SAMD4A: variants seen among roughly 807,000 people sequenced by gnomAD.
SAMD4A encodes the protein protein Smaug homolog 1.
In SAMD4A, 33 loss-of-function variants were observed where a neutral mutation model predicts 81.3. That is an observed-to-expected ratio of 0.41 (90% CI 0.31 to 0.54). The LOEUF is 0.54. Among genes scored for constraint, SAMD4A ranks in the 20% least tolerant of loss-of-function variants. The pLI is 0.37. For missense variants in SAMD4A, 854 were observed against 951.1 expected (o/e 0.90, Z 1.34); for synonymous variants, 389 against 382.1 (o/e 1.02, Z -0.21).
chr14:54,637,576 C>T (rs896224512), intron 2 of SAMD4A, among the ~76,000 whole-genome samples: 1 of 152,044 alleles, frequency 6.6e-6, no homozygotes, highest in African/African-American at 2.4e-5. Context: ...GGAGAAGAGA[C>T]CTGGGAGTCC....
At chr14:54,693,782 A>C (rs1406427807) in intron 2 of SAMD4A, 1 of 152,272 alleles carries the variant, frequency 6.6e-6, no homozygotes, top group Non-Finnish European at 1.5e-5. Flanking sequence ...GAGGGGCCAG[A>C]AATAAGCATA....
intron 3 of SAMD4A, among the ~76,000 whole-genome samples, chr14:54,726,624 G>A (rs1211891984): frequency 6.6e-6 from 1 of 152,166 alleles, no homozygotes; most frequent in Admixed American, 6.5e-5. Flanking sequence ...AAAGTACTGA[G>A]GCAGGAAGGC....
intron 2 of SAMD4A, among the ~76,000 whole-genome samples, chr14:54,679,773 A>T (rs1472930224): frequency 6.6e-6 from 1 of 152,202 alleles, no homozygotes; most frequent in Non-Finnish European, 1.5e-5. Context: ...CCTGTCTGCA[A>T]TTGGGAGACA....
chr14:54,571,842 C>T (rs1277290678), intron 2 of SAMD4A, among the ~76,000 whole-genome samples: 1 of 152,056 alleles, frequency 6.6e-6, no homozygotes, highest in African/African-American at 2.4e-5. Context: ...GGGCTGTCAC[C>T]CTCACCCCAT....
intron 4 of SAMD4A, among the ~76,000 whole-genome samples, chr14:54,745,165 G>A (rs1025052138): frequency 2.0e-5 from 3 of 152,188 alleles, no homozygotes; most frequent in Non-Finnish European, 2.9e-5. Flanking sequence ...TACATTGATA[G>A]CCATTGCCTT....
chr14:54,678,712 C>A (rs949416544), intron 2 of SAMD4A, among the ~76,000 whole-genome samples: 4 of 152,034 alleles, frequency 2.6e-5, no homozygotes, highest in African/African-American at 9.7e-5. Context: ...TCGCTTCCGG[C>A]TAATTTTTTG....
chr14:54,740,171 C>T (rs1327795405), intron 4 of SAMD4A, among the ~76,000 whole-genome samples: 1 of 152,122 alleles, frequency 6.6e-6, no homozygotes, highest in African/African-American at 2.4e-5. Context: ...GAGACTCCAT[C>T]TCAAATAAAA....
rs149905297 is a variant in SAMD4A, at chr14:54,779,976, C to T, written c.2044+3436C>T. Reference sequence around the variant, plus strand: ...GTTTGGAAATTGCTTGGAGAGGGATCCTTTATTTTGGAAGCAACTAATTTC... The same window carrying T: ...GTTTGGAAATTGCTTGGAGAGGGATTCTTTATTTTGGAAGCAACTAATTTC... On this transcript the variant is annotated intron_variant, in intron 11 of 12. Coordinates refer to ENST00000554335, the MANE Select transcript of SAMD4A (RefSeq NM_015589.6). Among the ~76,000 whole-genome samples the T allele has an allele frequency of 1.5e-3, 226 of 152,210 alleles. 2 individuals are homozygous for T. The highest frequency in any genetic ancestry group is 2.6e-3 in the Non-Finnish European group (175 of 68,010).
At chr14:54,698,778 C>T (rs1193419715) in intron 2 of SAMD4A, among the ~76,000 whole-genome samples, 1 of 152,212 alleles carries the variant, frequency 6.6e-6, no homozygotes, top group Non-Finnish European at 1.5e-5. Context: ...GATAAAGGGA[C>T]CGGGGCCAGC....
At chr14:54,754,837 A>T in intron 6 of SAMD4A, 1 of 988,048 alleles carries the variant, frequency 1.0e-6, no homozygotes, top group Non-Finnish European at 1.2e-6. Flanking sequence ...TTGTTCAGTT[A>T]CTGAACCCTT....
intron 9 of SAMD4A, among the ~76,000 whole-genome samples, chr14:54,774,657 A>AC (rs2038790112): frequency 2.0e-5 from 3 of 151,212 alleles, no homozygotes; most frequent in African/African-American, 7.3e-5. Context: ...TCTACCAAAA[A>AC]AAAAAAGTTA....
At chr14:54,625,279 G>T (rs1412614825) in intron 2 of SAMD4A, among the ~76,000 whole-genome samples, 2 of 152,200 alleles carry the variant, frequency 1.3e-5, no homozygotes, top group Non-Finnish European at 2.9e-5. Context: ...GGGCTTTCCT[G>T]CTGTTGCGTG....
At chr14:54,711,313 T>C (rs2036983954) in intron 3 of SAMD4A, among the ~76,000 whole-genome samples, 1 of 152,196 alleles carries the variant, frequency 6.6e-6, no homozygotes, top group African/African-American at 2.4e-5. Flanking sequence ...ACTAACAGAC[T>C]TTTAAAAACA....
chr14:54,790,924 C>A lies in SAMD4A; in HGVS notation c.*1980C>A, dbSNP rs1025636108. On this transcript the variant is annotated 3_prime_UTR_variant, in exon 13 of 13. Transcript: ENST00000554335. ...GTCTAAGAAGGTGAGAACAATGTAA[C>A]CATAGAAAGCCTTTCGTGAGCAGAG... 7 of 151,842 alleles carry A rather than the reference C, an allele frequency of 4.6e-5. No homozygotes were observed. Among genetic ancestry groups the A allele is most frequent in the African/African-American group, 1.7e-4 (7 of 41,302 alleles). The allele number at this position is 151,842 out of a possible 1,614,324, so 9.4% of individuals were successfully genotyped here.
intron 2 of SAMD4A, among the ~76,000 whole-genome samples, chr14:54,620,938 T>G (rs551308030): frequency 6.6e-6 from 1 of 152,236 alleles, no homozygotes; most frequent in East Asian, 1.9e-4. Context: ...TTAAAATTCT[T>G]TTGTAGAGAT....
intron 2 of SAMD4A, chr14:54,697,076 C>T (rs959176261): frequency 6.6e-6 from 1 of 152,228 alleles, no homozygotes; most frequent in Non-Finnish European, 1.5e-5. Flanking sequence ...AGATTCTTTG[C>T]TCTCTGGAAG....
At chr14:54,643,504 G>C (rs2035219571) in intron 2 of SAMD4A, among the ~76,000 whole-genome samples, 1 of 152,206 alleles carries the variant, frequency 6.6e-6, no homozygotes, top group South Asian at 2.1e-4. Flanking sequence ...TAGGCCCGGA[G>C]ATCCTCAGCA....
chr14:54,774,869 G>C (rs2038799935), intron 9 of SAMD4A, 65 bp from the exon 10 acceptor site: 1 of 1,451,252 alleles, frequency 6.9e-7, no homozygotes, highest in South Asian at 1.1e-5. Flanking sequence ...CCCTTGGGAA[G>C]CCTGTGGCTT....
At chr14:54,678,641 C>G (rs954439904) in intron 2 of SAMD4A, among the ~76,000 whole-genome samples, 1 of 148,088 alleles carries the variant, frequency 6.8e-6, no homozygotes, top group Non-Finnish European at 1.5e-5. Context: ...CTCCGCCTCC[C>G]GGGTTCACGC....
Sources: allele counts gnomAD v4.1 joint callset (sites outside exome capture counted in the v4.1 genomes callset), GRCh38; gene constraint gnomAD v4.1.1; transcripts MANE v1.5; gene names NCBI Gene and HGNC (gene_info 2026-07-23, HGNC 2026-07-21).